Variants in SYNE1 observed in about 807,000 individuals in gnomAD.
The protein encoded by SYNE1 is nesprin-1.
SYNE1 carries 616 observed loss-of-function variants against 1,111.0 expected under a neutral mutation model. That is an observed-to-expected ratio of 0.55 (90% CI 0.52 to 0.59). The LOEUF is 0.59. Among genes scored for constraint, SYNE1 ranks in the 20% least tolerant of loss-of-function variants. The probability of loss-of-function intolerance (pLI) is 0.00; values close to 1 mark genes in which losing one functional copy is unlikely to be tolerated. For missense variants in SYNE1, 10,006 were observed against 10,417.0 expected, an observed-to-expected ratio of 0.96 and a Z score of 1.72; for synonymous variants, 3,855 against 3,825.8, an observed-to-expected ratio of 1.01 and a Z score of -0.28.
intron 8 of SYNE1, among the ~76,000 whole-genome samples, chr6:152,508,221 C>T (rs918004684): frequency 6.6e-5 from 10 of 152,190 alleles, no homozygotes; most frequent in Admixed American, 6.5e-4. Context: ...GTGTTCATTA[C>T]AGAATTTTTA....
chr6:152,176,742 T>C (rs1360850364), intron 129 of SYNE1, among the ~76,000 whole-genome samples, 182 bp from the exon 130 acceptor site: 1 of 152,150 alleles, frequency 6.6e-6, no homozygotes, highest in Non-Finnish European at 1.5e-5. Context: ...TTTTGGTATG[T>C]ATGCAGAGTT....
At chr6:152,505,066 A>G in intron 9 of SYNE1, 135 bp downstream of exon 9, 1 of 972,528 alleles carries the variant, frequency 1.0e-6, no homozygotes, top group East Asian at 2.6e-5. Context: ...TGATGCAGGA[A>G]AATACCATTA....
At chr6:152,364,372 C>G (rs2097012260) in intron 63 of SYNE1, among the ~76,000 whole-genome samples, 1 of 152,066 alleles carries the variant, frequency 6.6e-6, no homozygotes, top group Non-Finnish European at 1.5e-5. Context: ...CATTTCTTTC[C>G]CACTCCTCTA....
In SYNE1 at chr6:152,352,119, G is replaced by C. The variant is rs1273068298; in HGVS notation, c.11488C>G (p.Gln3830Glu). 2.5e-6 allele frequency: 4 copies of C among 1,614,086 alleles called. No individual in the cohort carries two copies. Among genetic ancestry groups the C allele is most frequent in the African/African-American group, 2.7e-5 (2 of 74,924 alleles). ...EFSDKCKALT[Q>E]WIAEYQEILH... ...ATTTCCTGGTATTCTGCTATCCACT[G>C]TGTCAGTGCTTTGCATTTATCTGAG... Residue 3830 changes from glutamine to glutamate, a missense_variant, in exon 70 of 146, where the codon CAG (glutamine) becomes GAG (glutamate). Coordinates refer to ENST00000367255, the MANE Select transcript of SYNE1 (RefSeq NM_182961.4).
intron 138 of SYNE1, among the ~76,000 whole-genome samples, chr6:152,142,342 C>T (rs1362709789): frequency 6.6e-6 from 1 of 151,872 alleles, no homozygotes; most frequent in Non-Finnish European, 1.5e-5. Flanking sequence ...AATGTGGGAA[C>T]GTTAATGTTA....
At chr6:152,247,504 A>G (rs1303939806) in intron 105 of SYNE1, among the ~76,000 whole-genome samples, 2 of 151,934 alleles carry the variant, frequency 1.3e-5, no homozygotes, top group African/African-American at 4.8e-5. Flanking sequence ...GCCAAGAAAA[A>G]AAACAAAAAG....
intron 3 of SYNE1, among the ~76,000 whole-genome samples, chr6:152,558,951 C>A (rs1168478456): frequency 2.0e-5 from 3 of 151,608 alleles, no homozygotes; most frequent in Non-Finnish European, 2.9e-5. Context: ...TATTAGACCA[C>A]AAAACAAGTC....
chr6:152,251,628 G>C (rs370024023), intron 104 of SYNE1, among the ~76,000 whole-genome samples: 1 of 150,726 alleles, frequency 6.6e-6, no homozygotes, highest in Non-Finnish European at 1.5e-5. Context: ...GCGTAGTGGC[G>C]GGCGCCTGTA....
chr6:152,466,615 A>G (rs999476962), intron 16 of SYNE1, among the ~76,000 whole-genome samples: 1 of 152,168 alleles, frequency 6.6e-6, no homozygotes, highest in Non-Finnish European at 1.5e-5. Flanking sequence ...ATGACCTATT[A>G]CAGAAAAATT....
At position 152,132,065 on chromosome 6, in the gene SYNE1, G is replaced by T. The variant is rs550629855; in HGVS notation, c.26094+57C>A. ...GAACCCTGTGGTGGGTGCAAATACTGTCACTTCCCAGTGTTCACTCCCATG... is the reference window on the plus strand; with the variant it reads ...GAACCCTGTGGTGGGTGCAAATACTTTCACTTCCCAGTGTTCACTCCCATG... On this transcript the variant is annotated intron_variant, in intron 144 of 145. Transcript: ENST00000367255. 3.3e-4 allele frequency: 493 copies of T among 1,516,262 alleles called. No homozygotes were observed. In the African/African-American group the frequency reaches 6.2e-3, roughly 19 times the overall value. The allele number at this position is 1,516,262 out of a possible 1,614,324, so 93.9% of individuals were successfully genotyped here. A position where few individuals can be genotyped will look rare whatever the true frequency, so the allele number is the denominator to read the frequency against.
At position 152,218,362 on chromosome 6, in the gene SYNE1, TTCTAAAC is replaced by T; in HGVS notation, c.22079_22085del (p.Ser7360LysfsTer7). 1 of 1,614,042 alleles carries T rather than the reference TTCTAAAC, an allele frequency of 6.2e-7. No individual in the cohort carries two copies. The highest frequency in any genetic ancestry group is 8.5e-7 in the Non-Finnish European group (1 of 1,179,980). ...CTTCCACTATCCAGGCCTCCAAAGC[TTCTAAAC>T]TCTTGGCAAAGGTTTCATAATCAAG... On this transcript the variant is annotated frameshift_variant, in exon 121 of 146. Coordinates refer to ENST00000367255, the MANE Select transcript of SYNE1 (RefSeq NM_182961.4). LOFTEE classifies it high-confidence loss of function.
intron 10 of SYNE1, among the ~76,000 whole-genome samples, chr6:152,500,291 T>G (rs2099022286): frequency 6.6e-6 from 1 of 152,206 alleles, no homozygotes; most frequent in Non-Finnish European, 1.5e-5. Flanking sequence ...TCCAAAATAT[T>G]TGCATCAATC....
intron 65 of SYNE1, 36 bp downstream of exon 65, chr6:152,359,278 CT>C: frequency 6.2e-7 from 1 of 1,612,830 alleles, no homozygotes; most frequent in Non-Finnish European, 8.5e-7. Flanking sequence ...AAACACTCCC[CT>C]TTTGGTGAGT....
Position 152,293,638 on chromosome 6 carries a change from C to T in SYNE1, c.17962G>A (p.Glu5988Lys). 1.2e-6 allele frequency: 2 copies of T among 1,614,144 alleles called. No homozygotes were observed. Among genetic ancestry groups the T allele is most frequent in the Non-Finnish European group, 1.7e-6 (2 of 1,180,034 alleles). The part of the protein sequence containing the change: ...KMEAIELKLS[E>K]SPEPGRSPES... ...GGACTCCTGCCAGGCTCTGGGCTCT[C>T]ACTGAGTTTCAGCTCAATGGCCTCC... is the stretch of plus-strand genomic sequence containing the variant. The change falls in exon 95 of 146, where the codon GAG becomes AAG. Residue 5988 changes from glutamate to lysine, a missense_variant. Around this residue, in one of 7 missense-constraint regions of SYNE1, gnomAD observed 4,955 missense variants for 5,017.2 expected, o/e 0.99. Transcript: ENST00000367255.
In SYNE1 at chr6:152,354,682, C is replaced by T. The variant is rs759654001; in HGVS notation, c.10903G>A (p.Glu3635Lys). The stretch of plus-strand genomic sequence containing the variant: ...ACCTTCATCTGATGTAATTGTATCT[C>T]CTTGGTTGCCCTGTTAGACTGACGT... ...TRRQSNRATK[E>K]IQLHQMKKWH... The change falls in exon 67 of 146, where the codon GAG becomes AAG. Residue 3635 changes from glutamate to lysine, a missense_variant. Physicochemically the swap from Glu to Lys is moderately conservative, Grantham distance 56. Around this residue, in one of 7 missense-constraint regions of SYNE1, gnomAD observed 4,955 missense variants for 5,017.2 expected, o/e 0.99. Coordinates refer to ENST00000367255, the MANE Select transcript of SYNE1 (RefSeq NM_182961.4). The T allele has an allele frequency of 1.9e-6, 3 of 1,614,186 alleles. No homozygotes were observed. In the South Asian group the frequency reaches 3.3e-5, roughly 18 times the overall value.
intron 127 of SYNE1, among the ~76,000 whole-genome samples, chr6:152,196,718 G>A (rs192722430): frequency 1.3e-5 from 2 of 151,970 alleles, no homozygotes; most frequent in African/African-American, 4.8e-5. Context: ...GTCTTTTGGA[G>A]CTGCAAGCTG....
chr6:152,483,730 T>G (rs1028274482), intron 13 of SYNE1, among the ~76,000 whole-genome samples: 10 of 152,064 alleles, frequency 6.6e-5, no homozygotes, highest in African/African-American at 2.2e-4. Flanking sequence ...TGGACAAAGA[T>G]GGGTTTAAAG....
At chr6:152,523,166 A>G (rs895156558) in intron 5 of SYNE1, among the ~76,000 whole-genome samples, 9 of 151,536 alleles carry the variant, frequency 5.9e-5, no homozygotes, top group African/African-American at 1.9e-4. Flanking sequence ...TTTTTTTTCT[A>G]GAATTTGTAT....
intron 128 of SYNE1, among the ~76,000 whole-genome samples, chr6:152,187,229 G>C (rs1353572245): frequency 6.6e-6 from 1 of 152,142 alleles, no homozygotes; most frequent in Non-Finnish European, 1.5e-5. Flanking sequence ...CATCTACCAT[G>C]TGTGCTCCAG....
Sources: gnomAD v4.1 joint callset for allele counts (sites outside exome capture counted in the v4.1 genomes callset) on GRCh38, gnomAD v4.1.1 for gene constraint, gnomAD v4.1.1 regional missense constraint, MANE v1.5 for transcripts, NCBI Gene and HGNC (gene_info 2026-07-23, HGNC 2026-07-21) for gene names.